The following GGPS1 variants were observed in gnomAD, a reference collection of about 807,000 sequenced individuals.
GGPS1 encodes the protein geranylgeranyl diphosphate synthase 1.
A neutral mutation model predicts 28.1 loss-of-function variants in GGPS1; 15 were observed. That is an observed-to-expected ratio of 0.53 (90% confidence interval 0.36 to 0.82). GGPS1 has a LOEUF of 0.82. Ranked by LOEUF, GGPS1 falls within the 40% of genes least tolerant of loss-of-function variation. The pLI is 0.01. For synonymous variants in GGPS1, 138 were observed against 122.4 expected, an observed-to-expected ratio of 1.13 and a Z score of -0.84; for missense variants, 284 against 348.3, an observed-to-expected ratio of 0.82 and a Z score of 1.47.
intron 1 of GGPS1, among the ~76,000 whole-genome samples, chr1:235,333,683 T>C (rs1039269841): frequency 2.6e-5 from 4 of 152,196 alleles, no homozygotes. Context: ...TATATTCTTG[T>C]GCTTTATCTT....
chr1:235,333,774 A>G (rs1675788375), intron 1 of GGPS1, among the ~76,000 whole-genome samples: 1 of 152,176 alleles, frequency 6.6e-6, no homozygotes, highest in Non-Finnish European at 1.5e-5. Flanking sequence ...AGCCCTAACC[A>G]CAAACTGCCA....
intron 1 of GGPS1, chr1:235,330,125 GAAAAAC>G (rs1243744842): frequency 1.3e-5 from 2 of 152,172 alleles, no homozygotes; most frequent in African/African-American, 2.4e-5. Flanking sequence ...TGATTTAAAA[GAAAAAC>G]AAAGGCGGGT....
rs1306638239 is a variant in GGPS1, at chr1:235,343,442, T to G, written c.*670T>G. The G allele has an allele frequency of 6.3e-6, 1 of 159,766 alleles. No individual in the cohort carries two copies. Among genetic ancestry groups the G allele is most frequent in the Non-Finnish European group, 1.5e-5 (1 of 68,126 alleles). 9.9% of individuals were successfully genotyped at this position (159,766 alleles called of 1,614,324 possible). A position where few individuals can be genotyped will look rare whatever the true frequency, so the allele number is the denominator to read the frequency against. On this transcript the variant is annotated 3_prime_UTR_variant, in exon 4 of 4. Coordinates refer to ENST00000282841, the MANE Select transcript of GGPS1 (RefSeq NM_004837.4). Reference sequence around the variant, plus strand: ...GGTGGGCGCCTGTAGTCCCAGCTACTCGGGAGGCTGAGGCAGGAGAATGGT... The same window carrying G: ...GGTGGGCGCCTGTAGTCCCAGCTACGCGGGAGGCTGAGGCAGGAGAATGGT...
chr1:235,340,261 C>A (rs1482665020), intron 2 of GGPS1, among the ~76,000 whole-genome samples: 2 of 152,042 alleles, frequency 1.3e-5, no homozygotes, highest in African/African-American at 4.8e-5. Flanking sequence ...TTGCTTGAGC[C>A]CAGGAGTTTG....
chr1:235,343,195 A>G lies in GGPS1; in HGVS notation c.*423A>G, dbSNP rs12562312. ...AAGACCACAAATCTCTTTTTTTCCTAAACGCTGCTGTAAGGAATATCTCAC... is the reference window on the plus strand; with the variant it reads ...AAGACCACAAATCTCTTTTTTTCCTGAACGCTGCTGTAAGGAATATCTCAC... On this transcript the variant is annotated 3_prime_UTR_variant, in exon 4 of 4. Transcript: ENST00000282841. The G allele has an allele frequency of 3.7e-4, 62 of 168,426 alleles. No individual in the cohort carries two copies. In the East Asian group the frequency reaches 6.5e-3, roughly 18 times the overall value. 10.4% of individuals were successfully genotyped at this position (168,426 alleles called of 1,614,324 possible).
chr1:235,328,239 T>C, upstream of GGPS1: 1 of 145,458 alleles, frequency 6.9e-6, no homozygotes, highest in South Asian at 2.3e-4. Flanking sequence ...TAGATTTTTT[T>C]TCCCCCCCTC....
At chr1:235,341,236 A>G (rs1676035596) in intron 2 of GGPS1, among the ~76,000 whole-genome samples, 1 of 152,258 alleles carries the variant, frequency 6.6e-6, no homozygotes, top group East Asian at 1.9e-4. Flanking sequence ...CTGAGGCACG[A>G]GAATCATGTG....
intron 2 of GGPS1, among the ~76,000 whole-genome samples, chr1:235,341,234 C>T (rs113338789): frequency 0.039 from 5,860 of 151,754 alleles, 423 homozygotes; most frequent in African/African-American, 0.13. Flanking sequence ...GGCTGAGGCA[C>T]GAGAATCATG....
chr1:235,335,657 G>T (rs1194138609), intron 2 of GGPS1, among the ~76,000 whole-genome samples: 3 of 152,120 alleles, frequency 2.0e-5, no homozygotes, highest in Non-Finnish European at 4.4e-5. Context: ...GCAACATAGT[G>T]AGACCCCGTC....
intron 1 of GGPS1, among the ~76,000 whole-genome samples, chr1:235,332,792 C>T (rs1186321702): frequency 6.6e-6 from 1 of 152,108 alleles, no homozygotes; most frequent in Non-Finnish European, 1.5e-5. Flanking sequence ...TATCAATGAT[C>T]AGATCATAGT....
intron 2 of GGPS1, among the ~76,000 whole-genome samples, chr1:235,336,042 C>T (rs531757388): frequency 2.6e-5 from 4 of 152,364 alleles, no homozygotes; most frequent in African/African-American, 9.6e-5. Context: ...CCACCTTGGA[C>T]ATGGCTTCCT....
intron 2 of GGPS1, among the ~76,000 whole-genome samples, chr1:235,338,504 T>G (rs751096244): frequency 9.8e-5 from 15 of 152,340 alleles, no homozygotes; most frequent in Non-Finnish European, 2.1e-4. Context: ...CTGTTTTCTA[T>G]ATAACATTCA....
chr1:235,335,351 A>G lies in GGPS1; in HGVS notation c.70+17A>G, dbSNP rs1251913355. The G allele has an allele frequency of 8.5e-7, 1 of 1,181,748 alleles. No homozygotes were observed. Among genetic ancestry groups the G allele is most frequent in the Non-Finnish European group, 1.3e-6 (1 of 794,110 alleles). The allele number at this position is 1,181,748 out of a possible 1,614,324, so 73.2% of individuals were successfully genotyped here. On this transcript the variant is annotated intron_variant, in intron 2 of 3. Transcript: ENST00000282841. The stretch of plus-strand genomic sequence containing the variant: ...AGTTACCAGGTAATACTTCACTTAC[A>G]GTCCATATAGGGTCATTTTCATGCA...
chr1:235,342,162 T>G lies in GGPS1; in HGVS notation c.293T>G (p.Leu98Arg), dbSNP rs1313966202. Reference sequence around the variant, plus strand: ...AATTCTGCCAATTACGTGTATTTCCTTGGCTTGGAGAAAGTCTTAACCCTT... The same window carrying G: ...AATTCTGCCAATTACGTGTATTTCCGTGGCTTGGAGAAAGTCTTAACCCTT... The part of the protein sequence containing the change: ...VINSANYVYF[L>R]GLEKVLTLDH... The change falls in exon 4 of 4, where the codon CTT (leucine) becomes CGT (arginine). Residue 98 changes from leucine (L) to arginine (R), a missense_variant. Coordinates refer to ENST00000282841, the MANE Select transcript of GGPS1 (RefSeq NM_004837.4). 1 of 1,614,186 alleles carries G rather than the reference T, an allele frequency of 6.2e-7. No individual in the cohort carries two copies. Among genetic ancestry groups the G allele is most frequent in the Non-Finnish European group, 8.5e-7 (1 of 1,180,024 alleles).
At chr1:235,327,910 C>T (rs890407315), upstream of GGPS1, 5 of 152,622 alleles carry the variant, frequency 3.3e-5, no homozygotes, top group African/African-American at 1.2e-4. Context: ...TCCGGCTCCT[C>T]CTCCTCCCGC....
Position 235,342,573 on chromosome 1 carries a change from G to T in GGPS1, c.704G>T (p.Arg235Leu), listed in dbSNP as rs1404809365. 1 of 1,610,298 alleles carries T rather than the reference G, an allele frequency of 6.2e-7. No individual in the cohort carries two copies. Residue 235 changes from arginine (R) to leucine (L), a missense_variant, in exon 4 of 4, where the codon CGC becomes CTC. Physicochemically the swap from Arg to Leu is moderately radical, Grantham distance 102. Transcript: ENST00000282841. ...PESTQVQNIL[R>L]QRTENIDIKK... is the part of the protein sequence containing the mutation. ...AGCACCCAGGTGCAGAATATCTTGC[G>T]CCAGAGAACAGAAAACATAGATATA...
upstream of GGPS1, chr1:235,327,243 G>A (rs554651962): frequency 1.8e-3 from 453 of 258,692 alleles, 3 homozygotes; most frequent in Middle Eastern, 0.015. Flanking sequence ...TGTCAGAGAA[G>A]AAACTCACAA....
intron 2 of GGPS1, among the ~76,000 whole-genome samples, chr1:235,338,565 C>CA (rs1675935063): frequency 2.0e-5 from 3 of 151,942 alleles, no homozygotes; most frequent in Admixed American, 2.0e-4. Context: ...TTTTCATCTT[C>CA]AAAAAAATGT....
rs1676098744 is a variant in GGPS1, at chr1:235,342,959, A to G, written c.*187A>G. 2.3e-6 allele frequency: 1 copy of G among 437,874 alleles called. No homozygotes were observed. The highest frequency in any genetic ancestry group is 3.6e-5 in the East Asian group (1 of 27,904). 27.1% of individuals were successfully genotyped at this position (437,874 alleles called of 1,614,324 possible). The stretch of plus-strand genomic sequence containing the variant: ...TACAGATAATCAAAATTCAAAGTTG[A>G]AAGAATCAAAAGCAGCCACAGTTAT... On this transcript the variant is annotated 3_prime_UTR_variant, in exon 4 of 4. Transcript: ENST00000282841.
Sources: allele counts gnomAD v4.1 joint callset (sites outside exome capture counted in the v4.1 genomes callset), GRCh38; gene constraint gnomAD v4.1.1; transcripts MANE v1.5; gene names NCBI Gene and HGNC (gene_info 2026-07-23, HGNC 2026-07-21).